Variants in CGGBP1 observed in about 807,000 individuals in gnomAD.
The protein encoded by CGGBP1 is CGG triplet repeat binding protein 1, also known as CGG triplet repeat-binding protein 1.
A neutral mutation model predicts 11.4 loss-of-function variants in CGGBP1; 4 were observed. The ratio of observed to expected loss-of-function variants is 0.35; its 90% CI spans 0.17 to 0.80. The LOEUF is 0.80. Ranked by LOEUF, CGGBP1 falls within the 30% of genes least tolerant of loss-of-function variation. CGGBP1 has a pLI of 0.52. For synonymous variants in CGGBP1, 76 were observed against 74.1 expected, an observed-to-expected ratio of 1.03 and a Z score of -0.13; for missense variants, 135 against 202.1, an observed-to-expected ratio of 0.67 and a Z score of 2.01.
intron 2 of CGGBP1, among the ~76,000 whole-genome samples, chr3:88,130,391 A>AAT (rs1335784356): frequency 5.9e-5 from 9 of 152,284 alleles, no homozygotes; most frequent in African/African-American, 1.9e-4. Flanking sequence ...CAATTAAATT[A>AAT]ATAGCTTGAA....
Position 88,055,356 on chromosome 3 carries a change from A to G in CGGBP1, c.*117T>C, listed in dbSNP as rs1706517764. The G allele has an allele frequency of 9.3e-7, 1 of 1,079,692 alleles. No individual in the cohort carries two copies. Among genetic ancestry groups the G allele is most frequent in the East Asian group, 2.5e-5 (1 of 40,798 alleles). The allele number at this position is 1,079,692 out of a possible 1,614,324, so 66.9% of individuals were successfully genotyped here. ...TTGCCTGCAACTATATACACATTGC[A>G]AAACTATTCTGCGTCACATGATTTT... On this transcript the variant is annotated 3_prime_UTR_variant, in exon 4 of 4. Transcript: ENST00000482016. This position sits in a 1 kb window ranked among gnomAD's most constrained non-coding sequence, Gnocchi z 4.2.
chr3:88,075,952 G>C (rs554324670), intron 2 of CGGBP1, among the ~76,000 whole-genome samples: 15 of 152,212 alleles, frequency 9.9e-5, no homozygotes, highest in African/African-American at 3.6e-4. Context: ...TCTTAACTTT[G>C]TTTCTCTTCA....
intron 1 of CGGBP1, among the ~76,000 whole-genome samples, chr3:88,145,355 G>A (rs1372997932): frequency 6.6e-6 from 1 of 152,068 alleles, no homozygotes; most frequent in Non-Finnish European, 1.5e-5. Context: ...ATTTGTGCAT[G>A]TTACAAGCAT....
intron 1 of CGGBP1, among the ~76,000 whole-genome samples, chr3:88,147,768 G>A (rs1707335730): frequency 6.6e-6 from 1 of 152,130 alleles, no homozygotes; most frequent in Non-Finnish European, 1.5e-5. Context: ...CTTAATTGTG[G>A]GTGATTTTGC....
Position 88,055,698 on chromosome 3 carries a change from G to T in CGGBP1, c.279C>A (p.Asn93Lys), listed in dbSNP as rs1272282193. 1.9e-6 allele frequency: 3 copies of T among 1,614,200 alleles called. No individual in the cohort carries two copies. In the Admixed American group the frequency reaches 5.0e-5, roughly 27 times the overall value. ...TGACTTTCTCTGTTTGCGCAGTACT[G>T]TTGCACTGAAGAGATGCAGTTAGGG... ...QRPLTASLQCNSTAQTEKVSV... is the reference protein window; with the variant it reads ...QRPLTASLQCKSTAQTEKVSV... Residue 93 changes from asparagine to lysine, a missense_variant, in exon 4 of 4, where the codon AAC (asparagine) becomes AAA (lysine). By Grantham distance (94) the Asn-to-Lys change is moderately conservative (BLOSUM62 0). Transcript: ENST00000482016. The surrounding 1 kb of genome is among the most constrained non-coding windows in gnomAD (Gnocchi z 4.2).
chr3:88,080,791 T>G (rs1708037160), intron 2 of CGGBP1, among the ~76,000 whole-genome samples: 1 of 152,198 alleles, frequency 6.6e-6, no homozygotes, highest in Non-Finnish European at 1.5e-5. Flanking sequence ...AACATTGAAA[T>G]TTGAGGGAAA....
At chr3:88,091,339 A>G (rs1357625428) in intron 2 of CGGBP1, among the ~76,000 whole-genome samples, 3 of 152,192 alleles carry the variant, frequency 2.0e-5, no homozygotes, top group Non-Finnish European at 2.9e-5. Flanking sequence ...AAATGTTTAC[A>G]TTATTTTGCA....
chr3:88,055,543 T>A lies in CGGBP1; in HGVS notation c.434A>T (p.Gln145Leu). The change falls in exon 4 of 4, where the codon CAG becomes CTG. Residue 145 changes from glutamine to leucine, a missense_variant. Coordinates refer to ENST00000482016, the MANE Select transcript of CGGBP1 (RefSeq NM_001008390.2). The surrounding 1 kb of genome is among the most constrained non-coding windows in gnomAD (Gnocchi z 4.2). ...KNGGSIPKSD[Q>L]LRRAYLPDGY... is the part of the protein sequence containing the mutation. ...ATCAGGAAGATATGCCCTCCGTAGC[T>A]GGTCTGACTTAGGTATGGAGCCTCC... The A allele has an allele frequency of 6.3e-7, 1 of 1,587,122 alleles. No individual in the cohort carries two copies. Among genetic ancestry groups the A allele is most frequent in the Non-Finnish European group, 8.6e-7 (1 of 1,162,592 alleles).
At chr3:88,126,816 A>G (rs920927834) in intron 2 of CGGBP1, among the ~76,000 whole-genome samples, 7 of 152,090 alleles carry the variant, frequency 4.6e-5, no homozygotes, top group Admixed American at 6.6e-5. Context: ...ATAAGTGACT[A>G]ACTGAATGAA....
intron 2 of CGGBP1, among the ~76,000 whole-genome samples, chr3:88,138,344 C>T (rs373729066): frequency 1.3e-4 from 20 of 152,088 alleles, no homozygotes; most frequent in African/African-American, 4.6e-4. Flanking sequence ...ACCCTTCTCT[C>T]AAAGAATATG....
chr3:88,122,249 TGGGAGA>T, intron 2 of CGGBP1, among the ~76,000 whole-genome samples: 1 of 152,132 alleles, frequency 6.6e-6, no homozygotes, highest in African/African-American at 2.4e-5. Flanking sequence ...AGGTGAATTT[TGGGAGA>T]TGTGGAAGAG....
chr3:88,105,732 C>T (rs1704697759), intron 2 of CGGBP1, among the ~76,000 whole-genome samples: 3 of 152,096 alleles, frequency 2.0e-5, no homozygotes, highest in Admixed American at 2.0e-4. Context: ...GAAATGGCAT[C>T]TTGGTATATT....
intron 2 of CGGBP1, among the ~76,000 whole-genome samples, chr3:88,103,137 A>G (rs1476435878): frequency 6.6e-6 from 1 of 152,148 alleles, no homozygotes; most frequent in Non-Finnish European, 1.5e-5. Context: ...AATGAAGCCC[A>G]GCTTTCAAAA....
intron 2 of CGGBP1, among the ~76,000 whole-genome samples, chr3:88,131,745 C>A (rs558588538): frequency 2.6e-5 from 4 of 152,048 alleles, no homozygotes; most frequent in African/African-American, 9.6e-5. Flanking sequence ...TGATGGCCTA[C>A]CCTCTTATTT....
intron 1 of CGGBP1, among the ~76,000 whole-genome samples, chr3:88,148,515 C>T (rs1381240675): frequency 6.6e-6 from 1 of 152,220 alleles, no homozygotes; most frequent in Non-Finnish European, 1.5e-5. Context: ...TTCATTAATA[C>T]TTAATTTAAA....
rs867143087 is a variant in CGGBP1 at position 88,114,238 on chromosome 3, G to C, written c.-229+26732C>G. Among the ~76,000 whole-genome samples the C allele has an allele frequency of 3.3e-5, 5 of 152,166 alleles. No homozygotes were observed. The South Asian group carries it at 8.3e-4, about 25-fold the overall frequency. On this transcript the variant is annotated intron_variant, in intron 2 of 3. Transcript: ENST00000462901. ...AAAAATAAAGGAGGATGGGGATAGTGCTGGCATGGTGATATTGGGGAAGGA... is the reference window on the plus strand; with the variant it reads ...AAAAATAAAGGAGGATGGGGATAGTCCTGGCATGGTGATATTGGGGAAGGA...
intron 1 of CGGBP1, chr3:88,142,476 A>T (rs115782430): frequency 9.8e-5 from 15 of 152,482 alleles, no homozygotes; most frequent in African/African-American, 3.6e-4. Context: ...TAGTTGAAGG[A>T]AAACACTGAA....
At chr3:88,060,767 A>G (rs540490320), upstream of CGGBP1, among the ~76,000 whole-genome samples, 9 of 152,250 alleles carry the variant, frequency 5.9e-5, no homozygotes, top group East Asian at 1.7e-3. Context: ...CAATGCTTGT[A>G]AGGGATTTTT....
rs773086452 is a variant in CGGBP1 at position 88,055,636 on chromosome 3, G to A, written c.341C>T (p.Ala114Val). The A allele has an allele frequency of 6.2e-7, 1 of 1,614,208 alleles. No individual in the cohort carries two copies. Among genetic ancestry groups the A allele is most frequent in the Non-Finnish European group, 8.5e-7 (1 of 1,180,022 alleles). ...IQDFVKMCLEANIPLEKADHP... is the reference protein window; with the variant it reads ...IQDFVKMCLEVNIPLEKADHP... ...ATCAGCCTTCTCAAGTGGGATGTTG[G>A]CTTCCAGGCACATTTTCACAAAGTC... Residue 114 changes from alanine (A) to valine (V), a missense_variant, in exon 4 of 4, where the codon GCC becomes GTC. By Grantham distance (64) the Ala-to-Val change is moderately conservative. Transcript: ENST00000482016. This position sits in a 1 kb window ranked among gnomAD's most constrained non-coding sequence, Gnocchi z 4.2.
Sources: allele counts gnomAD v4.1 joint callset (sites outside exome capture counted in the v4.1 genomes callset), GRCh38; gene constraint gnomAD v4.1.1; non-coding constraint Gnocchi (gnomAD v3.1); transcripts MANE v1.5; gene names NCBI Gene and HGNC (gene_info 2026-07-23, HGNC 2026-07-21).